Variants in SLC8A1 observed in about 807,000 individuals in gnomAD.
The protein encoded by SLC8A1 is sodium/calcium exchanger 1.
SLC8A1 carries 18 observed loss-of-function variants against 68.3 expected under a neutral mutation model. The ratio of observed to expected loss-of-function variants is 0.26; its 90% CI spans 0.18 to 0.39. SLC8A1 has a LOEUF of 0.39. Among genes scored for constraint, SLC8A1 ranks in the 10% least tolerant of loss-of-function variants. The pLI is 1.00. For missense variants in SLC8A1, 985 were observed against 1,156.7 expected, an observed-to-expected ratio of 0.85 and a Z score of 2.15; for synonymous variants, 475 against 415.5, an observed-to-expected ratio of 1.14 and a Z score of -1.74.
chr2:40,108,580 T>TA (rs1206890323), exon 8 of SLC8A1: 3 of 152,180 alleles, frequency 2.0e-5, no homozygotes, highest in African/African-American at 7.2e-5. Context: ...TTCCTTGGAG[T>TA]ATTTCTCAAA....
At chr2:40,355,881 T>C (rs1672507726) in intron 2 of SLC8A1, among the ~76,000 whole-genome samples, 2 of 152,176 alleles carry the variant, frequency 1.3e-5, no homozygotes, top group Admixed American at 6.5e-5. Context: ...TCCTGGGGTG[T>C]TCTACAAACC....
chr2:40,207,870 G>C (rs767229019), intron 2 of SLC8A1, among the ~76,000 whole-genome samples: 5 of 152,046 alleles, frequency 3.3e-5, no homozygotes, highest in African/African-American at 1.2e-4. Context: ...GTTTTACTTA[G>C]AGTGTTTTCT....
intron 2 of SLC8A1, among the ~76,000 whole-genome samples, chr2:40,398,863 G>C (rs1221362914): frequency 6.6e-6 from 1 of 152,042 alleles, no homozygotes; most frequent in Non-Finnish European, 1.5e-5. Flanking sequence ...CACTTCCCTT[G>C]GCCTAGGAAG....
rs116524404 is a variant in SLC8A1, at chr2:40,126,009, C to T, written c.2438-10380G>A. On this transcript the variant is annotated intron_variant, in intron 7 of 7. Coordinates refer to ENST00000406785, the Ensembl canonical transcript of SLC8A1. ...GGAGGAAGATGGGTGGGAGCAGTTA[C>T]CCTTAGTTTCATTTTGTCAGGGTGA... Among the ~76,000 whole-genome samples the T allele has an allele frequency of 8.6e-3, 1,310 of 152,242 alleles. 16 individuals carry two copies. Among genetic ancestry groups the T allele is most frequent in the African/African-American group, 0.03 (1,241 of 41,520 alleles).
chr2:40,372,371 A>G (rs1471450528), intron 2 of SLC8A1, among the ~76,000 whole-genome samples: 3 of 152,138 alleles, frequency 2.0e-5, no homozygotes, highest in Admixed American at 2.0e-4. Context: ...AGTAAGAAGC[A>G]TTAATCAACT....
chr2:40,323,290 T>C (rs1171967200), intron 2 of SLC8A1, among the ~76,000 whole-genome samples: 1 of 152,190 alleles, frequency 6.6e-6, no homozygotes, highest in East Asian at 1.9e-4. Context: ...TTCCCTTTCA[T>C]AATTTGATAT....
intron 2 of SLC8A1, among the ~76,000 whole-genome samples, chr2:40,243,580 C>CTGTT (rs1358744892): frequency 6.6e-6 from 1 of 152,214 alleles, no homozygotes; most frequent in Non-Finnish European, 1.5e-5. Flanking sequence ...GATTTTACCT[C>CTGTT]TGTTTTAGAC....
At chr2:40,416,829 T>G (rs1162810192) in intron 2 of SLC8A1, among the ~76,000 whole-genome samples, 1 of 152,090 alleles carries the variant, frequency 6.6e-6, no homozygotes, top group East Asian at 2.0e-4. Flanking sequence ...ACTGCTGGTT[T>G]TAATTTAAAA....
intron 2 of SLC8A1, among the ~76,000 whole-genome samples, chr2:40,408,599 A>C (rs952632955): frequency 2.0e-5 from 3 of 152,210 alleles, no homozygotes; most frequent in African/African-American, 7.2e-5. Flanking sequence ...TAAGAGAGTA[A>C]CAAGTAGGTG....
intron 1 of SLC8A1, among the ~76,000 whole-genome samples, chr2:40,480,381 GA>G (rs1430610270): frequency 1.3e-5 from 2 of 152,152 alleles, no homozygotes; most frequent in African/African-American, 2.4e-5. Flanking sequence ...GTGTCCTTAT[GA>G]AAAAAAGTCC....
chr2:40,503,199 C>T (rs1449648139), intron 1 of SLC8A1, among the ~76,000 whole-genome samples: 2 of 151,982 alleles, frequency 1.3e-5, no homozygotes, highest in Non-Finnish European at 2.9e-5. Context: ...TTTCTAGTTT[C>T]CCATCCATAA....
intron 1 of SLC8A1, among the ~76,000 whole-genome samples, chr2:40,440,342 T>C (rs563749948): frequency 2.0e-5 from 3 of 152,236 alleles, no homozygotes; most frequent in African/African-American, 7.2e-5. Flanking sequence ...TTGAAAAAGG[T>C]AGAGAAAAAA....
At chr2:40,189,555 C>G (rs929104409) in intron 2 of SLC8A1, among the ~76,000 whole-genome samples, 2 of 152,046 alleles carry the variant, frequency 1.3e-5, no homozygotes, top group African/African-American at 4.8e-5. Context: ...TCAGGTAATA[C>G]CACCCACCCC....
rs919394203 is a variant in SLC8A1, at chr2:40,363,600, C to T, written c.1808+64873G>A. Among the ~76,000 whole-genome samples, 8 of 152,116 alleles carry T rather than the reference C, an allele frequency of 5.3e-5. No homozygotes were observed. In the South Asian group the frequency reaches 1.7e-3, roughly 31 times the overall value. On this transcript the variant is annotated intron_variant, in intron 2 of 7. Transcript: ENST00000406785. Reference sequence around the variant, plus strand: ...AAAAAACCGTGCCTTACCATTATGTCAGTTGTTCAGTAGTTATTTATTTAT... The same window carrying T: ...AAAAAACCGTGCCTTACCATTATGTTAGTTGTTCAGTAGTTATTTATTTAT...
intron 4 of SLC8A1, among the ~76,000 whole-genome samples, chr2:40,172,129 T>G (rs978411821): frequency 2.0e-5 from 3 of 152,224 alleles, no homozygotes; most frequent in African/African-American, 7.2e-5. Context: ...AGCCTCCAAC[T>G]GACTTCCAAG....
intron 2 of SLC8A1, among the ~76,000 whole-genome samples, chr2:40,253,226 TACATAC>T (rs1476991755): frequency 6.7e-6 from 1 of 149,690 alleles, no homozygotes; most frequent in Non-Finnish European, 1.5e-5. Context: ...TATTTACATA[TACATAC>T]ATGTGCGTAT....
chr2:40,142,594 G>A (rs952695518), intron 6 of SLC8A1, among the ~76,000 whole-genome samples: 6 of 152,176 alleles, frequency 3.9e-5, no homozygotes, highest in Admixed American at 3.9e-4. Flanking sequence ...CTCTTATTTT[G>A]AAGACGAACA....
intron 7 of SLC8A1, among the ~76,000 whole-genome samples, chr2:40,128,299 A>G (rs1204360840): frequency 6.6e-6 from 1 of 152,208 alleles, no homozygotes; most frequent in Admixed American, 6.5e-5. Flanking sequence ...ATGGCAATGA[A>G]GTTTTGCTTT....
At chr2:40,344,649 T>C (rs1315722088) in intron 2 of SLC8A1, among the ~76,000 whole-genome samples, 2 of 152,164 alleles carry the variant, frequency 1.3e-5, no homozygotes, top group Non-Finnish European at 2.9e-5. Context: ...TTAAATGCTG[T>C]GAAAAAAAAT....
Sources: allele counts gnomAD v4.1 joint callset (sites outside exome capture counted in the v4.1 genomes callset), GRCh38; gene constraint gnomAD v4.1.1; transcripts MANE v1.5; gene names NCBI Gene and HGNC (gene_info 2026-07-23, HGNC 2026-07-21).